GALNT14: variants seen among roughly 807,000 people sequenced by gnomAD.
GALNT14 encodes the protein UDP-GalNAc:polypeptide N-acetylgalactosaminyltransferase 14.
A neutral mutation model predicts 77.5 loss-of-function variants in GALNT14; 60 were observed. That is an observed-to-expected ratio of 0.77 (90% confidence interval 0.63 to 0.96). The LOEUF (loss-of-function observed/expected upper bound fraction) is 0.96, where lower values mean the gene tolerates loss of function less well. Ranked by LOEUF, GALNT14 falls within the 40% of genes least tolerant of loss-of-function variation. The probability of loss-of-function intolerance (pLI) is 0.00; values close to 1 mark genes in which losing one functional copy is unlikely to be tolerated. For synonymous variants in GALNT14, 280 were observed against 281.7 expected (o/e 0.99, Z 0.06); for missense variants, 710 against 731.0 (o/e 0.97, Z 0.33).
chr2:31,124,553 C>T (rs749716932), intron 1 of GALNT14, among the ~76,000 whole-genome samples: 2 of 152,172 alleles, frequency 1.3e-5, no homozygotes, highest in Non-Finnish European at 2.9e-5. Context: ...AATCGATACA[C>T]CCTCCAGAGA....
rs941149061 is a variant in GALNT14 at position 31,047,641 on chromosome 2, T to C, written c.130-54634A>G. On this transcript the variant is annotated intron_variant, in intron 1 of 14. Coordinates refer to ENST00000349752, the MANE Select transcript of GALNT14 (RefSeq NM_024572.4). Reference sequence around the variant, plus strand: ...TGAGCTAGTGACCTTGAGGGGTTCCTTTCTAGAAGAGGAGGTGCACTCGAG... The same window carrying C: ...TGAGCTAGTGACCTTGAGGGGTTCCCTTCTAGAAGAGGAGGTGCACTCGAG... Among the ~76,000 whole-genome samples the C allele has an allele frequency of 4.6e-5, 7 of 152,202 alleles. No homozygotes were observed. The East Asian group carries it at 9.6e-4, about 21-fold the overall frequency.
At position 31,032,004 on chromosome 2, in the gene GALNT14, C is replaced by G. The variant is rs181955781; in HGVS notation, c.130-38997G>C. 2.9e-3 allele frequency among the ~76,000 whole-genome samples: 449 copies of G among 152,340 alleles called. 2 individuals are homozygous for G. Among genetic ancestry groups the G allele is most frequent in the African/African-American group, 0.01 (423 of 41,584 alleles). On this transcript the variant is annotated intron_variant, in intron 1 of 14. Coordinates refer to ENST00000349752, the MANE Select transcript of GALNT14 (RefSeq NM_024572.4). ...GGCTGCCACAGTCAGCTGCAGAGGA[C>G]CTGCCTCCACTTGGAAGGAGGCATA...
chr2:30,917,634 A>G (rs1055407720), intron 13 of GALNT14, among the ~76,000 whole-genome samples: 1 of 152,240 alleles, frequency 6.6e-6, no homozygotes. Context: ...GACTCTTTCA[A>G]GGGCCAGGCC....
chr2:30,950,980 C>CATT (rs1666990369), intron 6 of GALNT14, among the ~76,000 whole-genome samples: 2 of 152,166 alleles, frequency 1.3e-5, no homozygotes, highest in African/African-American at 4.8e-5. Flanking sequence ...TCCCTTAACA[C>CATT]ATTCTGCAGG....
At chr2:30,973,166 A>G (rs1473760555) in intron 2 of GALNT14, among the ~76,000 whole-genome samples, 1 of 152,192 alleles carries the variant, frequency 6.6e-6, no homozygotes, top group Non-Finnish European at 1.5e-5. Flanking sequence ...TGGGAATGGG[A>G]CCAACTTCCT....
At chr2:31,041,323 G>A (rs889514781) in intron 1 of GALNT14, among the ~76,000 whole-genome samples, 1 of 152,156 alleles carries the variant, frequency 6.6e-6, no homozygotes, top group African/African-American at 2.4e-5. Context: ...TTTGCCTAAA[G>A]TACTATAGAA....
chr2:30,940,903 AC>A (rs1666339220), intron 9 of GALNT14, among the ~76,000 whole-genome samples: 2 of 152,204 alleles, frequency 1.3e-5, no homozygotes, highest in Middle Eastern at 6.8e-3. Context: ...TCCAGTCTGG[AC>A]CCTGTATGGC....
At chr2:31,089,938 A>C (rs1676648770) in intron 1 of GALNT14, among the ~76,000 whole-genome samples, 1 of 152,198 alleles carries the variant, frequency 6.6e-6, no homozygotes, top group Non-Finnish European at 1.5e-5. Context: ...CAGTTTCACA[A>C]GGTTCTGTGT....
chr2:30,905,782 A>C (rs1366683622), downstream of GALNT14, among the ~76,000 whole-genome samples: 3 of 149,550 alleles, frequency 2.0e-5, no homozygotes, highest in East Asian at 2.0e-4. Flanking sequence ...AGTTGAAATG[A>C]AGGAAAAAAT....
In GALNT14 at chr2:31,069,129, A is replaced by G. The variant is rs184482972; in HGVS notation, c.129+68829T>C. On this transcript the variant is annotated intron_variant, in intron 1 of 14. Coordinates refer to ENST00000349752, the MANE Select transcript of GALNT14 (RefSeq NM_024572.4). ...CTAAAACCATTGATCTTTACTTGTC[A>G]TATGGGTAGACTGTATGGTATGTAG... Among the ~76,000 whole-genome samples the G allele has an allele frequency of 1.4e-3, 217 of 152,334 alleles. 2 individuals carry two copies. The highest frequency in any genetic ancestry group is 4.9e-3 in the African/African-American group (203 of 41,570).
At chr2:30,948,304 C>G (rs1196200909) in intron 6 of GALNT14, among the ~76,000 whole-genome samples, 1 of 152,210 alleles carries the variant, frequency 6.6e-6, no homozygotes, top group Non-Finnish European at 1.5e-5. Context: ...TATGTTTGGC[C>G]CTTGCCCAGC....
intron 10 of GALNT14, among the ~76,000 whole-genome samples, chr2:30,930,000 T>C (rs1665628806): frequency 6.6e-6 from 1 of 152,232 alleles, no homozygotes; most frequent in African/African-American, 2.4e-5. Context: ...TGGCATCATG[T>C]GGGTGCTCAG....
intron 1 of GALNT14, among the ~76,000 whole-genome samples, chr2:31,055,225 C>G (rs1674135114): frequency 6.6e-6 from 1 of 152,228 alleles, no homozygotes; most frequent in Admixed American, 6.5e-5. Context: ...TGGCAATCTT[C>G]AGAAGCACTA....
At chr2:30,945,924 C>G in intron 6 of GALNT14, 54 bp from the exon 7 acceptor site, 6 of 1,518,176 alleles carry the variant, frequency 4.0e-6, no homozygotes, top group Non-Finnish European at 4.6e-6. Flanking sequence ...AGCTGGGAGT[C>G]AGGGAGCTTG....
intron 10 of GALNT14, among the ~76,000 whole-genome samples, chr2:30,930,568 GAA>G (rs1297889789): frequency 6.6e-6 from 1 of 152,258 alleles, no homozygotes; most frequent in East Asian, 1.9e-4. Flanking sequence ...AAAGATGTCA[GAA>G]AAGAGTCAGG....
chr2:31,044,561 T>A (rs1673307107), intron 1 of GALNT14, among the ~76,000 whole-genome samples: 2 of 152,158 alleles, frequency 1.3e-5, no homozygotes, highest in Admixed American at 6.5e-5. Context: ...CAAAAGATTC[T>A]TCTAGAAATT....
chr2:31,097,086 G>A (rs1439062023), intron 1 of GALNT14, among the ~76,000 whole-genome samples: 2 of 152,106 alleles, frequency 1.3e-5, no homozygotes, highest in Non-Finnish European at 2.9e-5. Context: ...TCTCTGTATA[G>A]TAGCCAGTGG....
At chr2:30,998,750 G>T (rs1438513392) in intron 1 of GALNT14, among the ~76,000 whole-genome samples, 2 of 152,188 alleles carry the variant, frequency 1.3e-5, no homozygotes, top group East Asian at 3.8e-4. Context: ...CAATGCTGGA[G>T]CTGGGATTAG....
At chr2:31,069,377 G>A (rs946262285) in intron 1 of GALNT14, among the ~76,000 whole-genome samples, 3 of 152,186 alleles carry the variant, frequency 2.0e-5, no homozygotes, top group African/African-American at 7.2e-5. Context: ...TCTAATCGCT[G>A]TATTTATCAT....
Sources: gnomAD v4.1 joint callset for allele counts (sites outside exome capture counted in the v4.1 genomes callset) on GRCh38, gnomAD v4.1.1 for gene constraint, MANE v1.5 for transcripts, NCBI Gene and HGNC (gene_info 2026-07-23, HGNC 2026-07-21) for gene names.